SMOC2: variants seen among roughly 807,000 people sequenced by gnomAD.
SMOC2 encodes SPARC-related modular calcium-binding protein 2.
A neutral mutation model predicts 61.4 loss-of-function variants in SMOC2; 39 were observed. That is an observed-to-expected ratio of 0.64 (90% CI 0.49 to 0.83). The LOEUF is 0.83. SMOC2 is among the 40% of genes least tolerant of loss of function. SMOC2 has a pLI of 0.00. For missense variants in SMOC2, 556 were observed against 592.9 expected, an observed-to-expected ratio of 0.94 and a Z score of 0.65; for synonymous variants, 247 against 239.9, an observed-to-expected ratio of 1.03 and a Z score of -0.27.
intron 2 of SMOC2, among the ~76,000 whole-genome samples, chr6:168,518,530 TG>T (rs2115062600): frequency 1.3e-5 from 2 of 151,050 alleles, no homozygotes; most frequent in East Asian, 3.9e-4. Context: ...CATGTGTGGA[TG>T]TGTGAGAGCG....
intron 2 of SMOC2, among the ~76,000 whole-genome samples, chr6:168,521,996 A>G (rs2115068456): frequency 6.6e-6 from 1 of 152,352 alleles, no homozygotes; most frequent in South Asian, 2.1e-4. Flanking sequence ...AATTCACATA[A>G]GAAAGTTTTT....
chr6:168,509,158 G>A (rs796746873), intron 1 of SMOC2, among the ~76,000 whole-genome samples: 2 of 152,284 alleles, frequency 1.3e-5, no homozygotes, highest in African/African-American at 4.8e-5. Context: ...GGTGAGCTCC[G>A]AAGTCTGTGT....
chr6:168,532,517 G>T (rs1346670330), intron 4 of SMOC2, among the ~76,000 whole-genome samples: 1 of 134,844 alleles, frequency 7.4e-6, no homozygotes, highest in South Asian at 2.4e-4. Context: ...TGCCAAGAGA[G>T]GGTGTTTGCA....
intron 1 of SMOC2, among the ~76,000 whole-genome samples, chr6:168,459,014 C>T (rs138817875): frequency 6.7e-4 from 102 of 152,324 alleles, no homozygotes; most frequent in African/African-American, 2.4e-3. Flanking sequence ...ATAATGCTTA[C>T]TATATCCAGG....
intron 2 of SMOC2, among the ~76,000 whole-genome samples, chr6:168,524,958 C>T (rs565554878): frequency 6.6e-6 from 1 of 152,242 alleles, no homozygotes; most frequent in South Asian, 2.1e-4. Flanking sequence ...GTAATCGGAT[C>T]GCATTTTGCC....
intron 7 of SMOC2, among the ~76,000 whole-genome samples, chr6:168,583,581 T>A (rs900183044): frequency 1.3e-5 from 2 of 152,214 alleles, no homozygotes; most frequent in African/African-American, 4.8e-5. Context: ...TTCCTTGCAC[T>A]AATCAGCAAA....
At chr6:168,567,871 G>C (rs1252322315) in intron 7 of SMOC2, among the ~76,000 whole-genome samples, 1 of 150,790 alleles carries the variant, frequency 6.6e-6, no homozygotes, top group Admixed American at 6.6e-5. Flanking sequence ...TTAGAATTTA[G>C]TGCGTCTTCG....
chr6:168,492,440 C>T (rs1381401547), intron 1 of SMOC2, among the ~76,000 whole-genome samples: 5 of 152,234 alleles, frequency 3.3e-5, no homozygotes, highest in Admixed American at 6.5e-5. Context: ...GGGGCAAATT[C>T]GCACAACAAT....
intron 9 of SMOC2, among the ~76,000 whole-genome samples, chr6:168,633,915 T>C (rs1786642188): frequency 6.6e-6 from 1 of 152,212 alleles, no homozygotes; most frequent in Non-Finnish European, 1.5e-5. Flanking sequence ...ACCCCTACAC[T>C]GCTCTTCTCA....
At chr6:168,494,672 C>T (rs1214108847) in intron 1 of SMOC2, among the ~76,000 whole-genome samples, 2 of 152,188 alleles carry the variant, frequency 1.3e-5, no homozygotes, top group Non-Finnish European at 2.9e-5. Flanking sequence ...TTGGAGGAGA[C>T]GTGAATGGAG....
chr6:168,595,248 C>CCAG (rs71008023), intron 7 of SMOC2, among the ~76,000 whole-genome samples: 1 of 79,220 alleles, frequency 1.3e-5, no homozygotes, highest in Admixed American at 1.3e-4. Context: ...TGAGGCCTCA[C>CCAG]GGGCATCTTT....
rs766996816 is a variant in SMOC2 at position 168,575,727 on chromosome 6, G to A, written c.638-23091G>A. 2.6e-5 allele frequency among the ~76,000 whole-genome samples: 4 copies of A among 152,282 alleles called. No homozygotes were observed. In the South Asian group the frequency reaches 6.2e-4, roughly 24 times the overall value. ...GCTAACGGACTTGCGCCAGGCTCCCGGCCCCAGCTATACCCCTGGCTCTGT... is the reference window on the plus strand; with the variant it reads ...GCTAACGGACTTGCGCCAGGCTCCCAGCCCCAGCTATACCCCTGGCTCTGT... On this transcript the variant is annotated intron_variant, in intron 7 of 12. Coordinates refer to ENST00000356284, the MANE Select transcript of SMOC2 (RefSeq NM_001166412.2).
At chr6:168,454,845 C>G (rs749433814) in intron 1 of SMOC2, among the ~76,000 whole-genome samples, 1 of 152,200 alleles carries the variant, frequency 6.6e-6, no homozygotes, top group African/African-American at 2.4e-5. Flanking sequence ...ACAGGTTGTG[C>G]GTGGCCAGTG....
intron 7 of SMOC2, among the ~76,000 whole-genome samples, chr6:168,551,030 G>C (rs1784118143): frequency 1.3e-5 from 2 of 152,222 alleles, no homozygotes; most frequent in African/African-American, 2.4e-5. Context: ...TCAATGGAGA[G>C]ACCAGGTGGA....
Position 168,544,246 on chromosome 6 carries a change from G to A in SMOC2, c.511+574G>A, listed in dbSNP as rs1309771794. ...AGTCTCCATCCTCTTCTCTGCCCTT[G>A]CCTCGGCCAACACCCTTCAGTACCA... On this transcript the variant is annotated intron_variant, in intron 5 of 12. Transcript: ENST00000356284. This position sits in a 1 kb window ranked among gnomAD's most constrained non-coding sequence, Gnocchi z 4.1. Among the ~76,000 whole-genome samples the A allele has an allele frequency of 6.6e-6, 1 of 152,098 alleles. No homozygotes were observed. The highest frequency in any genetic ancestry group is 1.5e-5 in the Non-Finnish European group (1 of 68,018).
chr6:168,489,120 G>A (rs984243113), intron 1 of SMOC2, among the ~76,000 whole-genome samples: 38 of 138,758 alleles, frequency 2.7e-4, no homozygotes, highest in Admixed American at 7.4e-4. Context: ...ATATCAAATC[G>A]TCTGGGTCCC....
At chr6:168,641,808 A>C (rs1786897088) in intron 9 of SMOC2, among the ~76,000 whole-genome samples, 1 of 152,192 alleles carries the variant, frequency 6.6e-6, no homozygotes, top group Non-Finnish European at 1.5e-5. Context: ...ACTGACTTCT[A>C]ACCAAGTGCC....
chr6:168,638,701 G>T (rs556017312), intron 9 of SMOC2, among the ~76,000 whole-genome samples: 2 of 152,290 alleles, frequency 1.3e-5, no homozygotes, highest in African/African-American at 4.8e-5. Flanking sequence ...AAGGTGCCCC[G>T]GGCTGGGGGC....
Position 168,523,079 on chromosome 6 carries a change from A to ATTTTTTTTTTTTTTTTT in SMOC2, c.257-3263_257-3247dup, listed in dbSNP as rs1554287070. 1.3e-4 allele frequency among the ~76,000 whole-genome samples: 12 copies of ATTTTTTTTTTTTTTTTT among 93,662 alleles called. 1 individual carries two copies. The highest frequency in any genetic ancestry group is 8.3e-4 in the South Asian group (2 of 2,410). 61.4% of individuals were successfully genotyped at this position (93,662 alleles called of 152,430 possible). ...TTATGTTATTTGTAGTTGTACAGTA[A>ATTTTTTTTTTTTTTTTT]TTTTTTTTTTTTTTTTTTTTGAGAC... On this transcript the variant is annotated intron_variant, in intron 2 of 12. Coordinates refer to ENST00000356284, the MANE Select transcript of SMOC2 (RefSeq NM_001166412.2).
Sources: gnomAD v4.1 joint callset for allele counts (sites outside exome capture counted in the v4.1 genomes callset) on GRCh38, gnomAD v4.1.1 for gene constraint, Gnocchi (gnomAD v3.1) non-coding constraint, MANE v1.5 for transcripts, NCBI Gene and HGNC (gene_info 2026-07-23, HGNC 2026-07-21) for gene names.